Variants in DGKQ observed in about 807,000 individuals in gnomAD.
The protein encoded by DGKQ is diacylglycerol kinase theta, also known as DAG kinase theta.
Under a neutral mutation model 104.2 loss-of-function variants are expected in DGKQ, and 97 were observed. That is an observed-to-expected ratio of 0.93 (90% CI 0.79 to 1.10). DGKQ has a LOEUF of 1.10. Among genes scored for constraint, DGKQ ranks in the 50% least tolerant of loss-of-function variants. DGKQ has a pLI of 0.00. For synonymous variants in DGKQ, 736 were observed against 595.2 expected, an observed-to-expected ratio of 1.24 and a Z score of -3.44; for missense variants, 1,465 against 1,352.1, an observed-to-expected ratio of 1.08 and a Z score of -1.31.
In DGKQ at chr4:960,311, G is replaced by T. The variant is rs1202865469; in HGVS notation, c.*309C>A. ...GAGAGGGATGGGTGCCCACCCCTGA[G>T]GAGAGGACCAGGCCCCCACAGGGCA... On this transcript the variant is annotated 3_prime_UTR_variant, in exon 23 of 23. Transcript: ENST00000273814. The T allele has an allele frequency of 6.6e-6, 3 of 458,010 alleles. No homozygotes were observed. Among genetic ancestry groups the T allele is most frequent in the Non-Finnish European group, 4.0e-6 (1 of 249,412 alleles). The allele number at this position is 458,010 out of a possible 1,614,324, so 28.4% of individuals were successfully genotyped here.
Position 967,819 on chromosome 4 carries a change from C to A in DGKQ, c.812-17G>T. 6.3e-7 allele frequency: 1 copy of A among 1,581,916 alleles called. No homozygotes were observed. Among genetic ancestry groups the A allele is most frequent in the South Asian group, 1.1e-5 (1 of 87,446 alleles). On this transcript the variant is annotated splice_polypyrimidine_tract_variant and intron_variant, in intron 6 of 22. Coordinates refer to ENST00000273814, the MANE Select transcript of DGKQ (RefSeq NM_001347.4). ...CCCCCTCGCCTGCGGGTCGGGCACA[C>A]GGACCCCTCATTCAGTGCGCAGCCC... is the stretch of plus-strand genomic sequence containing the variant.
intron 6 of DGKQ, 38 bp downstream of exon 6, chr4:967,842 C>A (rs779880571): frequency 6.6e-7 from 1 of 1,526,352 alleles, no homozygotes; most frequent in Non-Finnish European, 8.8e-7. Flanking sequence ...CAGTGCGCAG[C>A]CCCCAGCCCA....
At chr4:973,120 C>T (rs896711438) in intron 1 of DGKQ, 92 bp downstream of exon 1, 4 of 1,342,896 alleles carry the variant, frequency 3.0e-6, no homozygotes, top group Non-Finnish European at 3.8e-6. Flanking sequence ...CCTCCACTCC[C>T]CCGAAAGCGC....
chr4:962,788 G>A lies in DGKQ; in HGVS notation c.2019C>T (p.Ile673=), dbSNP rs1256191000. ...TGAGCCCACCTGTGCCCAGGGGCAG[G>A]ATGGCCACAGAAGGCTCCGGGCAGG... ...RLACPEPSVA[I]LPLGTGNDLG... The change falls in exon 17 of 23, where the codon ATC becomes ATT. Residue 673 remains isoleucine, a synonymous_variant. Coordinates refer to ENST00000273814, the MANE Select transcript of DGKQ (RefSeq NM_001347.4). The A allele has an allele frequency of 6.2e-7, 1 of 1,605,900 alleles. No homozygotes were observed. The highest frequency in any genetic ancestry group is 1.1e-5 in the South Asian group (1 of 89,802).
chr4:962,368 T>C (rs1560511161), intron 18 of DGKQ, 67 bp downstream of exon 18: 3 of 1,444,546 alleles, frequency 2.1e-6, no homozygotes, highest in Non-Finnish European at 2.8e-6. Flanking sequence ...AGGACGCCCG[T>C]TGTGACGCGT....
rs1300061110 is a variant in DGKQ at position 962,913 on chromosome 4, G to A, written c.1894C>T (p.Leu632=). 3.7e-6 allele frequency: 6 copies of A among 1,608,460 alleles called. No individual in the cohort carries two copies. The highest frequency in any genetic ancestry group is 5.1e-6 in the Non-Finnish European group (6 of 1,178,146). The change falls in exon 17 of 23, where the codon CTG becomes TTG. Residue 632 remains leucine (L), a synonymous_variant. Transcript: ENST00000273814. The part of the protein sequence containing the change: ...TNGGPLPGLH[L]FSQVPCFRVL... ...CGGAAGCAGGGCACCTGGGAGAACA[G>A]GTGGAGCCTAGCGGGAGACAGGAAG...
At chr4:968,199 G>A (rs7441544) in intron 5 of DGKQ, 83 bp downstream of exon 5, 11 of 328,120 alleles carry the variant, frequency 3.4e-5, no homozygotes, top group Non-Finnish European at 4.8e-5. Context: ...GCCCCGCCCC[G>A]CCAACTCCTC....
At chr4:968,050 TG>T in intron 5 of DGKQ, 23 bp from the exon 6 acceptor site, 3 of 1,405,412 alleles carry the variant, frequency 2.1e-6, no homozygotes, top group South Asian at 3.1e-5. Flanking sequence ...GGGCCTGAGC[TG>T]GGGGGTTGGA....
In DGKQ at chr4:965,531, T is replaced by C; in HGVS notation, c.1580-2A>G. ...TGTGACTCACGGACACCACGGTGGC[T>C]GCAAAGGCAGGCTGTGGTCAGGGCG... On this transcript the variant is annotated splice_acceptor_variant, in intron 13 of 22. Coordinates refer to ENST00000273814, the MANE Select transcript of DGKQ (RefSeq NM_001347.4). LOFTEE classifies it high-confidence loss of function. 6.2e-7 allele frequency: 1 copy of C among 1,611,714 alleles called. No homozygotes were observed. The highest frequency in any genetic ancestry group is 1.7e-5 in the Admixed American group (1 of 59,854).
At chr4:962,720 C>A in intron 17 of DGKQ, 52 bp downstream of exon 17, 1 of 1,594,212 alleles carries the variant, frequency 6.3e-7, no homozygotes, top group Non-Finnish European at 8.5e-7. Context: ...AAAAGCTGCA[C>A]AGGAAGGGGT....
At position 965,277 on chromosome 4, in the gene DGKQ, C is replaced by G; in HGVS notation, c.1633G>C (p.Asp545His). 6.2e-7 allele frequency: 1 copy of G among 1,612,590 alleles called. No homozygotes were observed. Among genetic ancestry groups the G allele is most frequent in the Non-Finnish European group, 8.5e-7 (1 of 1,179,846 alleles). Reference protein sequence around the residue: ...IYSSQGAVVLDVACFAEAERL... With the variant: ...IYSSQGAVVLHVACFAEAERL... ...TCGGCCTCCGCAAAGCAGGCAACGT[C>G]CAACACTACCGCGCCTGCGGCAGGA... Residue 545 changes from aspartate to histidine, a missense_variant, in exon 15 of 23, where the codon GAC becomes CAC. By Grantham distance (81) the Asp-to-His change is moderately conservative (BLOSUM62 -1). Transcript: ENST00000273814.
rs1374898124 is a variant in DGKQ at position 959,258 on chromosome 4, A to T, written c.*1362T>A. ...GCTGCAGCAGGCTGGGCCAGGCCAC[A>T]CTCCTGAGGCCAAACCAGAGCCACT... On this transcript the variant is annotated 3_prime_UTR_variant, in exon 23 of 23. Coordinates refer to ENST00000273814, the MANE Select transcript of DGKQ (RefSeq NM_001347.4). 1 of 152,406 alleles carries T rather than the reference A, an allele frequency of 6.6e-6. No individual in the cohort carries two copies. The highest frequency in any genetic ancestry group is 1.5e-5 in the Non-Finnish European group (1 of 68,106). The allele number at this position is 152,406 out of a possible 1,614,324, so 9.4% of individuals were successfully genotyped here. A position where few individuals can be genotyped will look rare whatever the true frequency, so the allele number is the denominator to read the frequency against.
Position 973,252 on chromosome 4 carries a change from G to A in DGKQ, c.231C>T (p.Cys77=), listed in dbSNP as rs534405149. The A allele has an allele frequency of 3.2e-6, 5 of 1,556,980 alleles. No homozygotes were observed. In the African/African-American group the frequency reaches 4.3e-5, roughly 13 times the overall value. Residue 77 remains cysteine (C), a synonymous_variant, in exon 1 of 23, where the codon TGC becomes TGT. Transcript: ENST00000273814. ...CGGCCAGCCCCCAGATGAAGTCGGA[G>A]CAGAGGTGGCAGAAGGTGGGCTTGG... is the stretch of plus-strand genomic sequence containing the variant. ...TLTKPTFCHL[C]SDFIWGLAGF...
chr4:968,010 G>T lies in DGKQ; in HGVS notation c.681C>A (p.Ser227=). Residue 227 remains serine (S), a synonymous_variant, in exon 6 of 23, where the codon TCC becomes TCA. Coordinates refer to ENST00000273814, the MANE Select transcript of DGKQ (RefSeq NM_001347.4). ...AGCCACACTCGGGAGCCAGCGCCGC[G>T]GAGCAGAGGGAGTGCGCCTGGGGGG... ...WCGVQAHSLC[S]AALAPECGFG... 1 of 1,440,328 alleles carries T rather than the reference G, an allele frequency of 6.9e-7. No individual in the cohort carries two copies. Among genetic ancestry groups the T allele is most frequent in the African/African-American group, 1.5e-5 (1 of 67,470 alleles). The allele number at this position is 1,440,328 out of a possible 1,614,324, so 89.2% of individuals were successfully genotyped here.
At chr4:965,045 C>G in intron 15 of DGKQ, 131 bp downstream of exon 15, 1 of 689,290 alleles carries the variant, frequency 1.5e-6, no homozygotes, top group Non-Finnish European at 2.5e-6. Context: ...TACAAGCCCC[C>G]AGTGAATTCA....
Position 962,937 on chromosome 4 carries a change from A to G in DGKQ, c.1887-17T>C. ...AGGTGGAGCCTAGCGGGAGACAGGA[A>G]GTGTCCTCTACCAGCTGCGGGCGCA... On this transcript the variant is annotated splice_polypyrimidine_tract_variant and intron_variant, in intron 16 of 22. Transcript: ENST00000273814. 6.2e-7 allele frequency: 1 copy of G among 1,601,766 alleles called. No homozygotes were observed. The highest frequency in any genetic ancestry group is 8.5e-7 in the Non-Finnish European group (1 of 1,175,198).
rs760439844 is a variant in DGKQ, at chr4:961,046, T to C, written c.2727+3A>G. 4 of 1,611,884 alleles carry C rather than the reference T, an allele frequency of 2.5e-6. No homozygotes were observed. Among genetic ancestry groups the C allele is most frequent in the Non-Finnish European group, 3.4e-6 (4 of 1,179,478 alleles). On this transcript the variant is annotated splice_donor_region_variant and intron_variant, in intron 22 of 22. Transcript: ENST00000273814. ...CCTGGCTCTCCAGCCTCACCCCACA[T>C]ACCTTAGGGCCAGCAGCTGAGATGA...
chr4:963,014 G>C (rs1442534606), intron 16 of DGKQ, 94 bp from the exon 17 acceptor site: 3 of 1,512,528 alleles, frequency 2.0e-6, no homozygotes, highest in African/African-American at 2.8e-5. Flanking sequence ...TGGCCGTGTG[G>C]AGGACTTCAA....
At position 967,772 on chromosome 4, in the gene DGKQ, G is replaced by GCGCTCCCGTCGGCGCCGT; in HGVS notation, c.824_841dup (p.Asp275_Ser280dup). ...TGTCTCTCTGCCTGGACCCACGGCAGCGCTCCCGTCGGCGCCGTCGCCCCC... is the reference window on the plus strand; with the variant it reads ...TGTCTCTCTGCCTGGACCCACGGCAGCGCTCCCGTCGGCGCCGTCGCTCCCGTCGGCGCCGTCGCCCCC... On this transcript the variant is annotated inframe_insertion, in exon 7 of 23. Transcript: ENST00000273814. 1 of 1,608,046 alleles carries GCGCTCCCGTCGGCGCCGT rather than the reference G, an allele frequency of 6.2e-7. No individual in the cohort carries two copies.
Sources: gnomAD v4.1 joint callset for allele counts on GRCh38, gnomAD v4.1.1 for gene constraint, MANE v1.5 for transcripts, NCBI Gene and HGNC (gene_info 2026-07-23, HGNC 2026-07-21) for gene names.